Variants in CDYL2 observed in about 807,000 individuals in gnomAD.
The protein encoded by CDYL2 is chromodomain Y-like protein 2.
In CDYL2, 23 loss-of-function variants were observed where a neutral mutation model predicts 49.4. That is an observed-to-expected ratio of 0.47 (90% CI 0.34 to 0.66). The LOEUF is 0.66. Among genes scored for constraint, CDYL2 ranks in the 30% least tolerant of loss-of-function variants. The probability of loss-of-function intolerance (pLI) is 0.01; values close to 1 mark genes in which losing one functional copy is unlikely to be tolerated. For missense variants in CDYL2, 678 were observed against 656.4 expected (o/e 1.03, Z -0.36); for synonymous variants, 360 against 268.8 (o/e 1.34, Z -3.32).
intron 2 of CDYL2, among the ~76,000 whole-genome samples, chr16:80,676,476 C>T (rs527414720): frequency 1.4e-4 from 21 of 152,256 alleles, no homozygotes; most frequent in African/African-American, 5.1e-4. Context: ...GGGGCCACTG[C>T]CGATGACAGT....
rs1414823463 is a variant in CDYL2, at chr16:80,603,590, T to G, written c.*798A>C. On this transcript the variant is annotated 3_prime_UTR_variant, in exon 7 of 7. Coordinates refer to ENST00000570137, the MANE Select transcript of CDYL2 (RefSeq NM_152342.4). ...AATGCACCAAACGGCATGAACCTTG[T>G]GTGGGATTTGGTCCAGGGTAGTATG... The G allele has an allele frequency of 2.0e-5, 3 of 152,594 alleles. No individual in the cohort carries two copies. The highest frequency in any genetic ancestry group is 4.4e-5 in the Non-Finnish European group (3 of 68,046). The allele number at this position is 152,594 out of a possible 1,614,324, so 9.5% of individuals were successfully genotyped here.
chr16:80,684,262 G>T (rs770910567), intron 2 of CDYL2, among the ~76,000 whole-genome samples: 7 of 152,302 alleles, frequency 4.6e-5, no homozygotes, highest in Middle Eastern at 3.4e-3. Context: ...CCATGGCCTT[G>T]GGTGTCTTGA....
intron 2 of CDYL2, among the ~76,000 whole-genome samples, chr16:80,640,442 G>C (rs1244029698): frequency 2.0e-5 from 3 of 152,084 alleles, no homozygotes; most frequent in African/African-American, 7.2e-5. Context: ...CACGTTGAGG[G>C]CCTTGGGTAA....
At chr16:80,725,208 A>ACACG (rs1905126311) in intron 1 of CDYL2, among the ~76,000 whole-genome samples, 1 of 152,066 alleles carries the variant, frequency 6.6e-6, no homozygotes, top group African/African-American at 2.4e-5. Context: ...ACACACACAC[A>ACACG]TACACACACA....
intron 1 of CDYL2, among the ~76,000 whole-genome samples, chr16:80,746,336 T>A (rs117964297): frequency 6.6e-6 from 1 of 152,338 alleles, no homozygotes; most frequent in East Asian, 1.9e-4. Context: ...CCAAGCGCTA[T>A]GAATTCAGTA....
At chr16:80,712,189 GTGTATATATATA>G (rs1186026875) in intron 1 of CDYL2, among the ~76,000 whole-genome samples, 2 of 75,842 alleles carry the variant, frequency 2.6e-5, no homozygotes, top group Non-Finnish European at 6.8e-5. Context: ...GTGTCTGTGT[GTGTATATATATA>G]TATATATATA....
chr16:80,661,683 G>A lies in CDYL2; in HGVS notation c.616+22855C>T, dbSNP rs10514504. 2.3e-3 allele frequency among the ~76,000 whole-genome samples: 357 copies of A among 152,254 alleles called. 2 individuals are homozygous for A. Among genetic ancestry groups the A allele is most frequent in the African/African-American group, 8.2e-3 (341 of 41,540 alleles). Reference sequence around the variant, plus strand: ...TGGCTCTGATGGATGTTCTGCTTTTGTTTTCCAGAGCCTAGTCTTTGCTGA... The same window carrying A: ...TGGCTCTGATGGATGTTCTGCTTTTATTTTCCAGAGCCTAGTCTTTGCTGA... On this transcript the variant is annotated intron_variant, in intron 2 of 6. Coordinates refer to ENST00000570137, the MANE Select transcript of CDYL2 (RefSeq NM_152342.4).
intron 3 of CDYL2, among the ~76,000 whole-genome samples, chr16:80,621,199 G>A (rs1011521227): frequency 6.6e-6 from 1 of 152,228 alleles, no homozygotes; most frequent in Non-Finnish European, 1.5e-5. Context: ...ACTGGCTGCA[G>A]ATCTGGAAGC....
Position 80,769,614 on chromosome 16 carries a change from A to G in CDYL2, c.24+34536T>C, listed in dbSNP as rs537182928. 5.3e-5 allele frequency among the ~76,000 whole-genome samples: 8 copies of G among 152,316 alleles called. No individual in the cohort carries two copies. The South Asian group carries it at 1.2e-3, about 24-fold the overall frequency. Reference sequence around the variant, plus strand: ...GTAAGCTTCTGGTCATGTCAACAGGAAGTACAAACTTCTCCCAGCTCCCTT... The same window carrying G: ...GTAAGCTTCTGGTCATGTCAACAGGGAGTACAAACTTCTCCCAGCTCCCTT... On this transcript the variant is annotated intron_variant, in intron 1 of 6. Transcript: ENST00000570137.
At chr16:80,772,636 A>G (rs909438590) in intron 1 of CDYL2, among the ~76,000 whole-genome samples, 6 of 152,070 alleles carry the variant, frequency 3.9e-5, no homozygotes, top group Non-Finnish European at 8.8e-5. Context: ...TATTTTTAGT[A>G]GAGACGGGGT....
At chr16:80,718,712 C>G (rs1000468595) in intron 1 of CDYL2, among the ~76,000 whole-genome samples, 1 of 152,162 alleles carries the variant, frequency 6.6e-6, no homozygotes, top group African/African-American at 2.4e-5. Flanking sequence ...AGGTGGTGTC[C>G]CAACAGACAC....
rs551843070 is a variant in CDYL2 at position 80,737,876 on chromosome 16, T to C, written c.25-52747A>G. 3.3e-5 allele frequency among the ~76,000 whole-genome samples: 5 copies of C among 152,276 alleles called. No individual in the cohort carries two copies. The East Asian group carries it at 9.6e-4, about 29-fold the overall frequency. On this transcript the variant is annotated intron_variant, in intron 1 of 6. Transcript: ENST00000570137. The stretch of plus-strand genomic sequence containing the variant: ...TTTAGGGACTGGTTGTTGTTGTTGT[T>C]GTTGTTTTATACTTTAAGTTCTGGG...
intron 2 of CDYL2, among the ~76,000 whole-genome samples, chr16:80,664,743 G>A (rs1290034392): frequency 4.6e-5 from 7 of 152,154 alleles, no homozygotes; most frequent in African/African-American, 1.7e-4. Context: ...AGGACAACTA[G>A]ATCTGAATCC....
At chr16:80,654,729 G>C (rs1205227340) in intron 2 of CDYL2, among the ~76,000 whole-genome samples, 1 of 152,228 alleles carries the variant, frequency 6.6e-6, no homozygotes, top group Non-Finnish European at 1.5e-5. Context: ...GAGCTGCCCG[G>C]CATGGAGATG....
chr16:80,620,003 C>T (rs1907005852), intron 4 of CDYL2, among the ~76,000 whole-genome samples: 1 of 152,184 alleles, frequency 6.6e-6, no homozygotes, highest in South Asian at 2.1e-4. Context: ...AATGTTCCTT[C>T]TCATGTGACC....
Position 80,608,202 on chromosome 16 carries a change from T to C in CDYL2, c.1252A>G (p.Thr418Ala), listed in dbSNP as rs1311355428. 2 of 1,591,976 alleles carry C rather than the reference T, an allele frequency of 1.3e-6. No individual in the cohort carries two copies. Residue 418 changes from threonine (T) to alanine (A), a missense_variant, in exon 6 of 7, where the codon ACC (threonine) becomes GCC (alanine). Physicochemically the swap from Thr to Ala is moderately conservative, Grantham distance 58. Transcript: ENST00000570137. ...NEMLFCGRKL[T>A]AQEACSRGLV... ...CCCCTGCTGCAGGCCTCCTGGGCGG[T>C]GAGCTTCCGCCCACAGAACAGCATC...
At chr16:80,624,913 G>A (rs971486613) in intron 3 of CDYL2, among the ~76,000 whole-genome samples, 1 of 152,146 alleles carries the variant, frequency 6.6e-6, no homozygotes, top group African/African-American at 2.4e-5. Flanking sequence ...GAAAAACAGA[G>A]ATGGAAAATA....
chr16:80,679,433 A>G (rs1001304614), intron 2 of CDYL2, among the ~76,000 whole-genome samples: 1 of 152,078 alleles, frequency 6.6e-6, no homozygotes, highest in Non-Finnish European at 1.5e-5. Flanking sequence ...CGTGGTATAG[A>G]GGCCAGCTCT....
chr16:80,770,373 C>T (rs1218183043), intron 1 of CDYL2, among the ~76,000 whole-genome samples: 1 of 152,044 alleles, frequency 6.6e-6, no homozygotes, highest in East Asian at 1.9e-4. Context: ...TTTTTTAAAT[C>T]ATGTTAGCAT....
Sources: allele counts gnomAD v4.1 joint callset (sites outside exome capture counted in the v4.1 genomes callset), GRCh38; gene constraint gnomAD v4.1.1; transcripts MANE v1.5; gene names NCBI Gene and HGNC (gene_info 2026-07-23, HGNC 2026-07-21).